MRTFB: variants seen among roughly 807,000 people sequenced by gnomAD.
MRTFB encodes the protein myocardin related transcription factor B, also known as myocardin-related transcription factor B.
Under a neutral mutation model 104.2 loss-of-function variants are expected in MRTFB, and 29 were observed. That is an observed-to-expected ratio of 0.28 (90% confidence interval 0.21 to 0.38). The LOEUF (loss-of-function observed/expected upper bound fraction) is 0.38. Among genes scored for constraint, MRTFB ranks in the 10% least tolerant of loss-of-function variants. The pLI is 1.00. For missense variants in MRTFB, 1,270 were observed against 1,341.6 expected, an observed-to-expected ratio of 0.95 and a Z score of 0.83; for synonymous variants, 535 against 519.5, an observed-to-expected ratio of 1.03 and a Z score of -0.41.
At chr16:14,234,338 T>G in intron 9 of MRTFB, 55 bp downstream of exon 9, 1 of 1,560,796 alleles carries the variant, frequency 6.4e-7, no homozygotes, top group East Asian at 2.3e-5. Flanking sequence ...ACTCTGTCTA[T>G]AACCCTGTGA....
chr16:14,258,379 G>C (rs2043605615), intron 16 of MRTFB, among the ~76,000 whole-genome samples: 1 of 152,170 alleles, frequency 6.6e-6, no homozygotes, highest in Non-Finnish European at 1.5e-5. Context: ...TTGGGAGTCT[G>C]AGCCCAGGAG....
intron 3 of MRTFB, among the ~76,000 whole-genome samples, chr16:14,145,989 A>T (rs949009642): frequency 2.0e-5 from 3 of 152,240 alleles, no homozygotes; most frequent in African/African-American, 7.2e-5. Context: ...CGTGTGCAAG[A>T]CCGGTAAGCT....
At chr16:14,204,177 T>C (rs1322333406) in intron 3 of MRTFB, among the ~76,000 whole-genome samples, 1 of 152,150 alleles carries the variant, frequency 6.6e-6, no homozygotes, top group East Asian at 1.9e-4. Flanking sequence ...GGTCTCACTA[T>C]GTTGCCCAGG....
At chr16:14,065,576 TATG>T in the MRTFB span, among the ~76,000 whole-genome samples, 1 of 152,166 alleles carries the variant, frequency 6.6e-6, no homozygotes, top group East Asian at 1.9e-4. Context: ...GCCCACTCAG[TATG>T]ATGTTGAAGA....
the MRTFB span, among the ~76,000 whole-genome samples, chr16:14,056,539 T>C: frequency 6.6e-6 from 1 of 152,216 alleles, no homozygotes; most frequent in African/African-American, 2.4e-5. Context: ...CACAAGGTAT[T>C]CTACAGGCAT....
At chr16:14,164,903 G>A (rs900871864) in intron 3 of MRTFB, among the ~76,000 whole-genome samples, 1 of 151,524 alleles carries the variant, frequency 6.6e-6, no homozygotes, top group Admixed American at 6.6e-5. Context: ...TCGAGGGTTA[G>A]GGTTGACTCT....
chr16:14,250,266 CAT>C (rs1459464350), intron 13 of MRTFB, among the ~76,000 whole-genome samples: 2 of 152,182 alleles, frequency 1.3e-5, no homozygotes, highest in African/African-American at 4.8e-5. Flanking sequence ...GGTATATACA[CAT>C]AGACTTTCCT....
intron 3 of MRTFB, among the ~76,000 whole-genome samples, chr16:14,162,203 A>G (rs2039069055): frequency 6.6e-6 from 1 of 151,624 alleles, no homozygotes; most frequent in African/African-American, 2.4e-5. Flanking sequence ...GCATGGTGAC[A>G]CATGCCTGTG....
chr16:14,174,679 C>T (rs1364026427), intron 3 of MRTFB, among the ~76,000 whole-genome samples: 1 of 152,100 alleles, frequency 6.6e-6, no homozygotes, highest in Admixed American at 6.5e-5. Flanking sequence ...TGAAACTTTG[C>T]TCCCCACCCC....
chr16:14,173,070 T>A lies in MRTFB; in HGVS notation c.154+32310T>A, dbSNP rs1406957164. 2.0e-5 allele frequency among the ~76,000 whole-genome samples: 3 copies of A among 152,326 alleles called. No individual in the cohort carries two copies. The East Asian group carries it at 5.8e-4, about 29-fold the overall frequency. On this transcript the variant is annotated intron_variant, in intron 3 of 16. Coordinates refer to ENST00000571589, the MANE Select transcript of MRTFB (RefSeq NM_001308142.2). ...GCATACTCATATGGTTTGATTTGTTTTCTTTTGTTACATTTAGATCCCAGA... is the reference window on the plus strand; with the variant it reads ...GCATACTCATATGGTTTGATTTGTTATCTTTTGTTACATTTAGATCCCAGA...
At chr16:14,211,878 A>T (rs2041204122) in intron 4 of MRTFB, among the ~76,000 whole-genome samples, 1 of 152,226 alleles carries the variant, frequency 6.6e-6, no homozygotes, top group African/African-American at 2.4e-5. Context: ...AGGGACCAAC[A>T]GCAACATAGC....
At position 14,249,014 on chromosome 16, in the gene MRTFB, C is replaced by T. The variant is rs2043141485; in HGVS notation, c.2336C>T (p.Pro779Leu). The T allele has an allele frequency of 1.9e-6, 3 of 1,614,214 alleles. No individual in the cohort carries two copies. Among genetic ancestry groups the T allele is most frequent in the East Asian group, 4.5e-5 (2 of 44,878 alleles). ...GCTGCCTTGGCCTCAGGCTTGGCCC[C>T]AACTGTACCTCAGACACAAGACACG... Reference protein sequence around the residue: ...PTAALASGLAPTVPQTQDTFP... With the variant: ...PTAALASGLALTVPQTQDTFP... Residue 779 changes from proline to leucine, a missense_variant, in exon 13 of 17, where the codon CCA becomes CTA. Pro to Leu is a moderately conservative substitution (Grantham distance 98). Transcript: ENST00000571589.
intron 3 of MRTFB, among the ~76,000 whole-genome samples, chr16:14,185,202 A>G (rs2039909363): frequency 6.6e-6 from 1 of 152,220 alleles, no homozygotes; most frequent in Non-Finnish European, 1.5e-5. Flanking sequence ...AAATTGCTTC[A>G]GAAGGAATTT....
the MRTFB span, among the ~76,000 whole-genome samples, chr16:14,065,550 A>G: frequency 3.3e-5 from 5 of 151,866 alleles, no homozygotes; most frequent in Admixed American, 3.3e-4. Flanking sequence ...TTTCAAGGGG[A>G]ATGCTTCCTG....
chr16:14,250,612 G>A (rs1208530208), intron 13 of MRTFB, among the ~76,000 whole-genome samples: 1 of 152,216 alleles, frequency 6.6e-6, no homozygotes, highest in Non-Finnish European at 1.5e-5. Context: ...AGGTAGGATG[G>A]AAAGGGGGCC....
At chr16:14,146,019 A>G (rs2038293357) in intron 3 of MRTFB, among the ~76,000 whole-genome samples, 1 of 152,254 alleles carries the variant, frequency 6.6e-6, no homozygotes, top group Admixed American at 6.5e-5. Flanking sequence ...AGCAACCCTC[A>G]GGGATGCTGG....
intron 10 of MRTFB, among the ~76,000 whole-genome samples, chr16:14,244,381 T>A (rs1372166437): frequency 6.6e-6 from 1 of 152,232 alleles, no homozygotes; most frequent in Non-Finnish European, 1.5e-5. Context: ...CATACATGTG[T>A]CTTTCTGTTA....
In MRTFB at chr16:14,266,452, T is replaced by C. The variant is rs2043950728; in HGVS notation, c.*5008T>C. 6.6e-6 allele frequency: 1 copy of C among 152,216 alleles called. No homozygotes were observed. The highest frequency in any genetic ancestry group is 2.4e-5 in the African/African-American group (1 of 41,460). The allele number at this position is 152,216 out of a possible 1,614,324, so 9.4% of individuals were successfully genotyped here. A position where few individuals can be genotyped will look rare whatever the true frequency, so the allele number is the denominator to read the frequency against. ...ATACCAATCTACAGAGCCCTGCTTG[T>C]TGAAGCACTAGTTTAATCAACAAAA... On this transcript the variant is annotated 3_prime_UTR_variant, in exon 17 of 17. Coordinates refer to ENST00000571589, the MANE Select transcript of MRTFB (RefSeq NM_001308142.2).
intron 10 of MRTFB, among the ~76,000 whole-genome samples, chr16:14,241,751 C>T (rs1479283574): frequency 6.6e-6 from 1 of 152,020 alleles, no homozygotes; most frequent in African/African-American, 2.4e-5. Context: ...AAATCTAAAA[C>T]ATCAGGGCAT....
Sources: allele counts gnomAD v4.1 joint callset (sites outside exome capture counted in the v4.1 genomes callset), GRCh38; gene constraint gnomAD v4.1.1; transcripts MANE v1.5; gene names NCBI Gene and HGNC (gene_info 2026-07-23, HGNC 2026-07-21).